The following NXN variants were observed in gnomAD, a reference collection of about 807,000 sequenced individuals.
The protein encoded by NXN is nucleoredoxin.
In NXN, 16 loss-of-function variants were observed where a neutral mutation model predicts 48.6. The ratio of observed to expected loss-of-function variants is 0.33; its 90% CI spans 0.22 to 0.50. The LOEUF is 0.50. NXN is among the 20% of genes least tolerant of loss of function. The pLI, the probability that NXN is intolerant of heterozygous loss-of-function variation, is 0.98. For missense variants in NXN, 492 were observed against 605.5 expected (o/e 0.81, Z 1.97); for synonymous variants, 281 against 269.6 (o/e 1.04, Z -0.41).
At chr17:813,220 C>A (rs549800493) in intron 5 of NXN, among the ~76,000 whole-genome samples, 1 of 152,244 alleles carries the variant, frequency 6.6e-6, no homozygotes, top group African/African-American at 2.4e-5. Context: ...AGAGGTATTT[C>A]GGCCCAGCCT....
At chr17:865,567 T>C (rs1241941993) in intron 1 of NXN, among the ~76,000 whole-genome samples, 1 of 151,828 alleles carries the variant, frequency 6.6e-6, no homozygotes, top group African/African-American at 2.4e-5. Context: ...TATAAAGCAA[T>C]GACAGTCTCT....
intron 1 of NXN, among the ~76,000 whole-genome samples, chr17:890,234 C>G (rs919615687): frequency 2.0e-5 from 3 of 152,120 alleles, no homozygotes; most frequent in Non-Finnish European, 1.5e-5. Context: ...ATCCTTTTCC[C>G]TCTGAACATC....
At chr17:905,904 G>C (rs915321745) in intron 1 of NXN, among the ~76,000 whole-genome samples, 4 of 151,504 alleles carry the variant, frequency 2.6e-5, no homozygotes, top group Admixed American at 2.6e-4. Flanking sequence ...TTGAGCCCAG[G>C]AGGCAGAGGT....
Position 825,680 on chromosome 17 carries a change from G to A in NXN, c.478+281C>T, listed in dbSNP as rs565810444. ...GGTCTGAGCTCTCCGCTTTCCCACA[G>A]CCTCTGCGGCCCTCCAAGCGGAGCT... On this transcript the variant is annotated intron_variant, in intron 2 of 7. Coordinates refer to ENST00000336868, the MANE Select transcript of NXN (RefSeq NM_022463.5). The surrounding 1 kb of genome is among the most constrained non-coding windows in gnomAD (Gnocchi z 4.1). 26 of 336,674 alleles carry A rather than the reference G, an allele frequency of 7.7e-5. No homozygotes were observed. The highest frequency in any genetic ancestry group is 1.3e-4 in the Non-Finnish European group (25 of 185,628). 20.9% of individuals were successfully genotyped at this position (336,674 alleles called of 1,614,324 possible). A position where few individuals can be genotyped will look rare whatever the true frequency, so the allele number is the denominator to read the frequency against.
chr17:977,157 A>G (rs1375977790), intron 1 of NXN, among the ~76,000 whole-genome samples: 3 of 152,198 alleles, frequency 2.0e-5, no homozygotes, highest in Non-Finnish European at 4.4e-5. Context: ...TACCTGGTAT[A>G]TATCCCCGAG....
At position 956,066 on chromosome 17, in the gene NXN, T is replaced by C. The variant is rs896387621; in HGVS notation, c.360+23253A>G. On this transcript the variant is annotated intron_variant, in intron 1 of 7. Transcript: ENST00000336868. This position sits in a 1 kb window ranked among gnomAD's most constrained non-coding sequence, Gnocchi z 4.1. ...TAATCCCCCTGTCCTTTCCAGGGTATCATTCAGTGACTGCATTGTTCAATA... is the reference window on the plus strand; with the variant it reads ...TAATCCCCCTGTCCTTTCCAGGGTACCATTCAGTGACTGCATTGTTCAATA... Among the ~76,000 whole-genome samples, 3 of 152,180 alleles carry C rather than the reference T, an allele frequency of 2.0e-5. No individual in the cohort carries two copies. Among genetic ancestry groups the C allele is most frequent in the African/African-American group, 7.2e-5 (3 of 41,444 alleles).
At chr17:938,710 A>G (rs2068936307) in intron 1 of NXN, among the ~76,000 whole-genome samples, 1 of 151,820 alleles carries the variant, frequency 6.6e-6, no homozygotes, top group African/African-American at 2.4e-5. Flanking sequence ...AACAAAAACA[A>G]AAAGAAAGAA....
chr17:904,429 G>A (rs57714838), intron 1 of NXN, among the ~76,000 whole-genome samples: 22,672 of 113,000 alleles, frequency 0.2, 1,846 homozygotes, highest in East Asian at 0.38. Context: ...CCTCTTTTCC[G>A]AGGGCTGTAA....
Position 924,423 on chromosome 17 carries a change from G to A in NXN, c.360+54896C>T, listed in dbSNP as rs549107961. The stretch of plus-strand genomic sequence containing the variant: ...CGGCTAATTTTGTATTTTTAGTAGA[G>A]ATGGGGTTTCACCATGTTGGCCAGG... On this transcript the variant is annotated intron_variant, in intron 1 of 7. Coordinates refer to ENST00000336868, the MANE Select transcript of NXN (RefSeq NM_022463.5). 2.0e-5 allele frequency among the ~76,000 whole-genome samples: 3 copies of A among 152,346 alleles called. No individual in the cohort carries two copies. In the East Asian group the frequency reaches 5.8e-4, roughly 29 times the overall value.
chr17:807,214 C>T (rs1293232344), intron 5 of NXN, among the ~76,000 whole-genome samples: 2 of 152,218 alleles, frequency 1.3e-5, no homozygotes, highest in Non-Finnish European at 2.9e-5. Context: ...CACAGGAGCC[C>T]CTCCACATCA....
intron 3 of NXN, among the ~76,000 whole-genome samples, 183 bp from the exon 4 acceptor site, chr17:822,640 T>C (rs1469569198): frequency 1.3e-5 from 2 of 152,242 alleles, no homozygotes; most frequent in East Asian, 3.9e-4. Context: ...GAAGATCGCT[T>C]GAGCCCAGGA....
intron 1 of NXN, among the ~76,000 whole-genome samples, chr17:965,090 G>A (rs1194292761): frequency 6.6e-6 from 1 of 152,116 alleles, no homozygotes; most frequent in Admixed American, 6.6e-5. Flanking sequence ...ACTATTGGGC[G>A]TATCTAGCCA....
chr17:917,490 G>C lies in NXN; in HGVS notation c.360+61829C>G, dbSNP rs974547622. Among the ~76,000 whole-genome samples, 1 of 152,188 alleles carries C rather than the reference G, an allele frequency of 6.6e-6. No individual in the cohort carries two copies. The highest frequency in any genetic ancestry group is 1.5e-5 in the Non-Finnish European group (1 of 68,034). Reference sequence around the variant, plus strand: ...ACTCACAGAGCAGCCCCACACTGTCGTCTGTGGAAACCACACCAGCTCCTC... The same window carrying C: ...ACTCACAGAGCAGCCCCACACTGTCCTCTGTGGAAACCACACCAGCTCCTC... On this transcript the variant is annotated intron_variant, in intron 1 of 7. Coordinates refer to ENST00000336868, the MANE Select transcript of NXN (RefSeq NM_022463.5). This position sits in a 1 kb window ranked among gnomAD's most constrained non-coding sequence, Gnocchi z 4.5.
intron 1 of NXN, among the ~76,000 whole-genome samples, chr17:878,493 AG>A (rs1428570240): frequency 8.1e-4 from 4 of 4,910 alleles, no homozygotes; most frequent in Non-Finnish European, 1.5e-3. Flanking sequence ...GGGGCAGGGG[AG>A]GGGGTGCCCT....
At chr17:832,121 C>A (rs1021558160) in intron 1 of NXN, among the ~76,000 whole-genome samples, 78 of 151,606 alleles carry the variant, frequency 5.1e-4, no homozygotes, top group Non-Finnish European at 7.2e-4. Flanking sequence ...GAGTGGTTTG[C>A]ATTTAAGCAC....
chr17:878,909 A>T (rs909206252), intron 1 of NXN, among the ~76,000 whole-genome samples: 1 of 152,208 alleles, frequency 6.6e-6, no homozygotes, highest in African/African-American at 2.4e-5. Context: ...TCACGCCTGT[A>T]ATCCCAGCAC....
chr17:804,069 C>T (rs570017489), intron 6 of NXN: 239 of 440,306 alleles, frequency 5.4e-4, no homozygotes, highest in Middle Eastern at 6.4e-4. Flanking sequence ...CTCTGCTCTC[C>T]CAGGTAGACA....
intron 1 of NXN, chr17:911,076 T>C (rs1049164735): frequency 6.6e-6 from 1 of 152,156 alleles, no homozygotes; most frequent in African/African-American, 2.4e-5. Context: ...GTTCCCACAG[T>C]GCATATGTAT....
Position 803,667 on chromosome 17 carries a change from C to G in NXN, c.1125+15G>C. 1 of 1,614,044 alleles carries G rather than the reference C, an allele frequency of 6.2e-7. No homozygotes were observed. Among genetic ancestry groups the G allele is most frequent in the Non-Finnish European group, 8.5e-7 (1 of 1,179,976 alleles). ...GCTGAGCCAGCCCTGGGCCAAGCCT[C>G]TCCTCCGCACTCACCTCCCCGGCTA... On this transcript the variant is annotated intron_variant, in intron 7 of 7. Coordinates refer to ENST00000336868, the MANE Select transcript of NXN (RefSeq NM_022463.5).
Sources: allele counts gnomAD v4.1 joint callset (sites outside exome capture counted in the v4.1 genomes callset), GRCh38; gene constraint gnomAD v4.1.1; non-coding constraint Gnocchi (gnomAD v3.1); transcripts MANE v1.5; gene names NCBI Gene and HGNC (gene_info 2026-07-23, HGNC 2026-07-21).